IMPG1: variants seen among roughly 807,000 people sequenced by gnomAD.
IMPG1 encodes interphotoreceptor matrix proteoglycan of 150 kDa.
Under a neutral mutation model 92.0 loss-of-function variants are expected in IMPG1, and 85 were observed. The observed-to-expected ratio is 0.92, with a 90% CI of 0.78 to 1.11. The LOEUF is 1.11. IMPG1 is among the 50% of genes least tolerant of loss of function. The pLI is 0.00. For missense variants in IMPG1, 1,022 were observed against 956.0 expected (o/e 1.07, Z -0.91); for synonymous variants, 367 against 334.1 (o/e 1.10, Z -1.08).
intron 1 of IMPG1, among the ~76,000 whole-genome samples, chr6:76,061,759 T>C (rs918973977): frequency 6.6e-6 from 1 of 152,224 alleles, no homozygotes; most frequent in Non-Finnish European, 1.5e-5. Context: ...TGAAATTATT[T>C]AGGTGAAATG....
chr6:76,070,390 T>A (rs1278579759), intron 1 of IMPG1, among the ~76,000 whole-genome samples: 2 of 152,162 alleles, frequency 1.3e-5, no homozygotes, highest in Non-Finnish European at 2.9e-5. Flanking sequence ...GTACGACCTC[T>A]ATGGAAAACA....
At chr6:76,002,432 C>T (rs184568573) in intron 12 of IMPG1, among the ~76,000 whole-genome samples, 1 of 152,308 alleles carries the variant, frequency 6.6e-6, no homozygotes, top group Admixed American at 6.5e-5. Context: ...TGCTAATTTA[C>T]ACTAAAGAAA....
chr6:76,018,502 C>CTT (rs1263177789), intron 7 of IMPG1, among the ~76,000 whole-genome samples: 13 of 152,102 alleles, frequency 8.5e-5, no homozygotes, highest in Non-Finnish European at 1.9e-4. Context: ...GGGACCACTG[C>CTT]AAGTTTTGAG....
At chr6:75,972,502 A>C (rs1167736444) in intron 12 of IMPG1, among the ~76,000 whole-genome samples, 1 of 150,986 alleles carries the variant, frequency 6.6e-6, no homozygotes, top group African/African-American at 2.4e-5. Context: ...CATATGACTT[A>C]ATAAGACCTG....
intron 12 of IMPG1, among the ~76,000 whole-genome samples, chr6:75,957,450 G>C (rs1467906532): frequency 6.6e-6 from 1 of 152,192 alleles, no homozygotes; most frequent in Non-Finnish European, 1.5e-5. Flanking sequence ...CTGAGTTCAA[G>C]TCCTGAATAG....
chr6:76,018,877 A>AT lies in IMPG1; in HGVS notation c.667-20_667-19insA. ...CTCTTTCCTGAGTTTAAAAAAAAAA[A>AT]AAAGGACTTCTGTTAACCTAAACCA... On this transcript the variant is annotated intron_variant, in intron 6 of 16. Coordinates refer to ENST00000369950, the MANE Select transcript of IMPG1 (RefSeq NM_001563.4). The AT allele has an allele frequency of 6.4e-7, 1 of 1,567,720 alleles. No homozygotes were observed. The highest frequency in any genetic ancestry group is 8.6e-7 in the Non-Finnish European group (1 of 1,161,132).
At chr6:75,952,556 G>C (rs1317237373) in intron 12 of IMPG1, among the ~76,000 whole-genome samples, 1 of 152,172 alleles carries the variant, frequency 6.6e-6, no homozygotes, top group Non-Finnish European at 1.5e-5. Flanking sequence ...TCAATTGTGA[G>C]AAATAATGTT....
chr6:76,070,752 G>A (rs1373251109), intron 1 of IMPG1, among the ~76,000 whole-genome samples: 1 of 152,060 alleles, frequency 6.6e-6, no homozygotes, highest in Non-Finnish European at 1.5e-5. Context: ...TTATAAGTGG[G>A]AGCTAAATAA....
chr6:76,026,810 T>G (rs1343059563), intron 4 of IMPG1, among the ~76,000 whole-genome samples: 14 of 152,160 alleles, frequency 9.2e-5, no homozygotes, highest in African/African-American at 2.4e-4. Context: ...ACTATCACTG[T>G]GTTCTCTGCA....
chr6:76,055,534 G>T (rs1784106776), intron 1 of IMPG1, among the ~76,000 whole-genome samples: 2 of 109,404 alleles, frequency 1.8e-5, no homozygotes, highest in South Asian at 3.6e-4. Context: ...AAGAAAATTA[G>T]AAAAAACAAA....
intron 1 of IMPG1, among the ~76,000 whole-genome samples, chr6:76,070,514 T>A (rs1784388373): frequency 6.6e-6 from 1 of 152,112 alleles, no homozygotes; most frequent in Non-Finnish European, 1.5e-5. Flanking sequence ...ATACTTGCAT[T>A]TGAATATTTA....
chr6:75,985,953 AC>A (rs1364774627), intron 12 of IMPG1, among the ~76,000 whole-genome samples: 4 of 152,124 alleles, frequency 2.6e-5, no homozygotes, highest in Non-Finnish European at 2.9e-5. Flanking sequence ...ACCCTTATAA[AC>A]CCACCTGAAG....
chr6:75,940,964 T>G (rs7757509), intron 14 of IMPG1, among the ~76,000 whole-genome samples: 4,298 of 152,308 alleles, frequency 0.028, 205 homozygotes, highest in African/African-American at 0.099. Flanking sequence ...ATGATATCCC[T>G]TCACCTCTGT....
At chr6:76,051,594 T>C (rs1784043172) in intron 1 of IMPG1, among the ~76,000 whole-genome samples, 1 of 152,198 alleles carries the variant, frequency 6.6e-6, no homozygotes, top group Admixed American at 6.5e-5. Context: ...TTTCTTTTAA[T>C]GAATTAGAAA....
chr6:75,924,671 T>G (rs375863796), intron 15 of IMPG1, among the ~76,000 whole-genome samples: 1,067 of 9,918 alleles, frequency 0.11, 333 homozygotes, highest in East Asian at 0.39. Flanking sequence ...TATAATAAAT[T>G]ATATATTATA....
At chr6:76,064,020 G>A (rs1030506617) in intron 1 of IMPG1, among the ~76,000 whole-genome samples, 4 of 152,162 alleles carry the variant, frequency 2.6e-5, no homozygotes, top group African/African-American at 7.2e-5. Flanking sequence ...CCTCAGTGCT[G>A]AGGCACAGGA....
chr6:75,921,640 C>G lies in IMPG1; in HGVS notation c.*449G>C, dbSNP rs1054499356. On this transcript the variant is annotated 3_prime_UTR_variant, in exon 17 of 17. Transcript: ENST00000369950. ...TGCCTACACACTACATACATTCATG[C>G]GTTTAGAGAGACCTGCATCTCCCTG... The G allele has an allele frequency of 5.7e-6, 1 of 176,980 alleles. No homozygotes were observed. Among genetic ancestry groups the G allele is most frequent in the Non-Finnish European group, 1.2e-5 (1 of 84,922 alleles). 11.0% of individuals were successfully genotyped at this position (176,980 alleles called of 1,614,324 possible).
intron 12 of IMPG1, among the ~76,000 whole-genome samples, chr6:75,966,639 T>A (rs1314541515): frequency 6.6e-6 from 1 of 152,094 alleles, no homozygotes; most frequent in South Asian, 2.1e-4. Context: ...TAACATAGAA[T>A]GGAATAAAAC....
At chr6:75,928,630 AT>A (rs1434556051) in intron 15 of IMPG1, 1 of 152,234 alleles carries the variant, frequency 6.6e-6, no homozygotes, top group African/African-American at 2.4e-5. Context: ...CCTAAAAAAA[AT>A]GTACACAAGT....
Sources: allele counts gnomAD v4.1 joint callset (sites outside exome capture counted in the v4.1 genomes callset), GRCh38; gene constraint gnomAD v4.1.1; transcripts MANE v1.5; gene names NCBI Gene and HGNC (gene_info 2026-07-23, HGNC 2026-07-21).